Variants in BMP5 observed in about 807,000 individuals in gnomAD.
BMP5 encodes bone morphogenetic protein 5.
Under a neutral mutation model 46.6 loss-of-function variants are expected in BMP5, and 23 were observed. That is an observed-to-expected ratio of 0.49 (90% confidence interval 0.35 to 0.70). The LOEUF (loss-of-function observed/expected upper bound fraction) is 0.70. Among genes scored for constraint, BMP5 ranks in the 30% least tolerant of loss-of-function variants. The pLI, the probability that BMP5 is intolerant of heterozygous loss-of-function variation, is 0.00. For missense variants in BMP5, 545 were observed against 565.6 expected (o/e 0.96, Z 0.37); for synonymous variants, 204 against 191.9 (o/e 1.06, Z -0.52).
intron 2 of BMP5, among the ~76,000 whole-genome samples, chr6:55,803,199 G>A (rs1775895639): frequency 6.6e-6 from 1 of 151,936 alleles, no homozygotes; most frequent in Non-Finnish European, 1.5e-5. Flanking sequence ...GGGAGGCTGA[G>A]GCAGGAGAAT....
At position 55,868,935 on chromosome 6, in the gene BMP5, C is replaced by T. The variant is rs534184473; in HGVS notation, c.490+5441G>A. On this transcript the variant is annotated intron_variant, in intron 1 of 6. Transcript: ENST00000370830. ...GAGATGAGCAAATGGGGAAACCCCACGGCCCAGCCAATAAAATATGAACTT... is the reference window on the plus strand; with the variant it reads ...GAGATGAGCAAATGGGGAAACCCCATGGCCCAGCCAATAAAATATGAACTT... Among the ~76,000 whole-genome samples, 34 of 152,330 alleles carry T rather than the reference C, an allele frequency of 2.2e-4. 1 individual carries two copies. Among genetic ancestry groups the T allele is most frequent in the Admixed American group, 1.3e-3 (20 of 15,296 alleles).
intron 1 of BMP5, among the ~76,000 whole-genome samples, chr6:55,855,475 C>T (rs1463271644): frequency 2.0e-5 from 3 of 151,982 alleles, no homozygotes; most frequent in Non-Finnish European, 2.9e-5. Context: ...AATATTTATA[C>T]TATGTTATTT....
intron 4 of BMP5, among the ~76,000 whole-genome samples, chr6:55,772,094 C>T (rs1272893425): frequency 6.6e-6 from 1 of 151,840 alleles, no homozygotes; most frequent in Non-Finnish European, 1.5e-5. Context: ...TATGAACACA[C>T]TCCAAAACCA....
At chr6:55,873,726 A>T (rs1307233116) in intron 1 of BMP5, among the ~76,000 whole-genome samples, 1 of 151,844 alleles carries the variant, frequency 6.6e-6, no homozygotes, top group African/African-American at 2.4e-5. Flanking sequence ...CATGTTTTAC[A>T]TTTTTCTTGC....
At chr6:55,799,617 TA>T (rs1775795453) in intron 2 of BMP5, among the ~76,000 whole-genome samples, 1 of 152,218 alleles carries the variant, frequency 6.6e-6, no homozygotes, top group Non-Finnish European at 1.5e-5. Flanking sequence ...ATTTTCAGTT[TA>T]TCTATCTTCC....
intron 4 of BMP5, among the ~76,000 whole-genome samples, chr6:55,765,427 G>C (rs1774895557): frequency 6.6e-6 from 1 of 152,068 alleles, no homozygotes; most frequent in Non-Finnish European, 1.5e-5. Flanking sequence ...ATTTCCCAAA[G>C]AGAAAGAGGG....
In BMP5 at chr6:55,767,031, A is replaced by G. The variant is rs924644218; in HGVS notation, c.1028-6498T>C. Among the ~76,000 whole-genome samples the G allele has an allele frequency of 2.0e-5, 3 of 152,058 alleles. No individual in the cohort carries two copies. In the South Asian group the frequency reaches 6.2e-4, roughly 31 times the overall value. On this transcript the variant is annotated intron_variant, in intron 4 of 6. Transcript: ENST00000370830. ...ATGGGAGTTTATTTGATATTGAATA[A>G]ATATTATTTATAAGAAATTATACCC...
chr6:55,802,128 A>G (rs1775864051), intron 2 of BMP5, among the ~76,000 whole-genome samples: 1 of 152,200 alleles, frequency 6.6e-6, no homozygotes, highest in African/African-American at 2.4e-5. Context: ...CTCACTATCT[A>G]TGATTCAACT....
At chr6:55,871,946 T>G (rs1777797291) in intron 1 of BMP5, among the ~76,000 whole-genome samples, 1 of 151,798 alleles carries the variant, frequency 6.6e-6, no homozygotes, top group Non-Finnish European at 1.5e-5. Flanking sequence ...AAAAATAAAA[T>G]CTAATCCTTT....
chr6:55,755,857 TA>T (rs899463889), intron 6 of BMP5, among the ~76,000 whole-genome samples, 175 bp from the exon 7 acceptor site: 3 of 151,926 alleles, frequency 2.0e-5, no homozygotes, highest in African/African-American at 7.2e-5. Context: ...TCTTAAGCAT[TA>T]ACACCTGGAA....
At chr6:55,759,172 A>AAAAAAAAAAAAAAAAAAAAAAAAAAAAAC (rs1562023483) in intron 5 of BMP5, 57 bp from the exon 6 acceptor site, 30 of 738,816 alleles carry the variant, frequency 4.1e-5, no homozygotes, top group South Asian at 1.9e-4. Context: ...AAAAAAAAAA[A>AAAAAAAAAAAAAAAAAAAAAAAAAAAAAC]AAAAAAAAAA....
At chr6:55,762,099 G>T (rs1774797381) in intron 4 of BMP5, among the ~76,000 whole-genome samples, 1 of 151,890 alleles carries the variant, frequency 6.6e-6, no homozygotes, top group South Asian at 2.1e-4. Flanking sequence ...CTTGCATCTG[G>T]AATAAAGTAA....
At chr6:55,798,927 C>T (rs1775779674) in intron 2 of BMP5, among the ~76,000 whole-genome samples, 1 of 152,158 alleles carries the variant, frequency 6.6e-6, no homozygotes, top group African/African-American at 2.4e-5. Flanking sequence ...GACTAAACAG[C>T]AGGAACCAAA....
chr6:55,768,164 C>G (rs1209135180), intron 4 of BMP5, among the ~76,000 whole-genome samples: 1 of 151,762 alleles, frequency 6.6e-6, no homozygotes, highest in East Asian at 1.9e-4. Flanking sequence ...CTTGTTTTGA[C>G]TAATATCTGT....
chr6:55,758,613 A>G (rs1476638844), intron 6 of BMP5, among the ~76,000 whole-genome samples: 1 of 151,982 alleles, frequency 6.6e-6, no homozygotes, highest in African/African-American at 2.4e-5. Flanking sequence ...AACATTCTTA[A>G]ATAATTAAAA....
intron 5 of BMP5, among the ~76,000 whole-genome samples, chr6:55,759,404 G>C (rs9396155): frequency 2.0e-4 from 31 of 151,822 alleles, no homozygotes; most frequent in Admixed American, 4.0e-4. Flanking sequence ...AGTTATGTAA[G>C]ATATTCATAG....
At chr6:55,873,177 G>A (rs967348857) in intron 1 of BMP5, among the ~76,000 whole-genome samples, 4 of 151,880 alleles carry the variant, frequency 2.6e-5, no homozygotes, top group African/African-American at 9.7e-5. Context: ...AAGCATCCAT[G>A]TGTTATTAAG....
chr6:55,813,025 T>G (rs1448276203), intron 2 of BMP5, among the ~76,000 whole-genome samples: 2 of 152,094 alleles, frequency 1.3e-5, no homozygotes, highest in Non-Finnish European at 2.9e-5. Context: ...CAGTGGTAAA[T>G]TTTTTCGAAA....
intron 1 of BMP5, among the ~76,000 whole-genome samples, chr6:55,842,632 G>A (rs185643227): frequency 1.7e-4 from 26 of 151,626 alleles, no homozygotes; most frequent in Admixed American, 2.6e-4. Context: ...GCATTACGCC[G>A]GCCCCTCAAA....
Sources: allele counts gnomAD v4.1 joint callset (sites outside exome capture counted in the v4.1 genomes callset), GRCh38; gene constraint gnomAD v4.1.1; transcripts MANE v1.5; gene names NCBI Gene and HGNC (gene_info 2026-07-23, HGNC 2026-07-21).